PDGFRL: variants seen among roughly 807,000 people sequenced by gnomAD.
The protein encoded by PDGFRL is platelet derived growth factor receptor like, also known as platelet-derived growth factor receptor-like protein.
In PDGFRL, 46 loss-of-function variants were observed where a neutral mutation model predicts 37.2. The observed-to-expected ratio is 1.24, with a 90% confidence interval of 0.98 to 1.58. The LOEUF (loss-of-function observed/expected upper bound fraction) is 1.58. PDGFRL is among the 40% of genes most tolerant of loss of function. The probability of loss-of-function intolerance (pLI) is 0.00; values close to 1 mark genes in which losing one functional copy is unlikely to be tolerated. For missense variants in PDGFRL, 692 were observed against 467.6 expected (o/e 1.48, Z -4.43); for synonymous variants, 251 against 184.3 (o/e 1.36, Z -2.93).
rs1303986102 is a variant in PDGFRL, at chr8:17,634,141, C to T, written c.867C>T (p.Ile289=). The T allele has an allele frequency of 6.2e-7, 1 of 1,612,738 alleles. No homozygotes were observed. Among genetic ancestry groups the T allele is most frequent in the Non-Finnish European group, 8.5e-7 (1 of 1,178,700 alleles). The change falls in exon 5 of 6, where the codon ATC becomes ATT. Residue 289 remains isoleucine, a synonymous_variant. Transcript: ENST00000251630. The stretch of plus-strand genomic sequence containing the variant: ...ACAAAGTGAAAAGTGGGGACGACAT[C>T]AGTGTGCTCTGCACTGTCCTGGGGG... ...SSNKVKSGDD[I]SVLCTVLGEP... is the part of the protein sequence containing the mutation.
chr8:17,576,510 T>A (rs1167631881), upstream of PDGFRL: 1 of 155,674 alleles, frequency 6.4e-6, no homozygotes, highest in Non-Finnish European at 1.4e-5. Flanking sequence ...CTGCACCTGC[T>A]GATCTTTTGC....
Position 17,589,342 on chromosome 8 carries a change from T to C in PDGFRL, c.56-126T>C, listed in dbSNP as rs1803881706. 4 of 713,332 alleles carry C rather than the reference T, an allele frequency of 5.6e-6. No individual in the cohort carries two copies. In the East Asian group the frequency reaches 7.4e-5, roughly 13 times the overall value. 44.2% of individuals were successfully genotyped at this position (713,332 alleles called of 1,614,324 possible). A position where few individuals can be genotyped will look rare whatever the true frequency, so the allele number is the denominator to read the frequency against. On this transcript the variant is annotated intron_variant, in intron 1 of 5. Coordinates refer to ENST00000251630, the MANE Select transcript of PDGFRL (RefSeq NM_001372073.1). ...TGGAGGTTGCAGTGAGCTGAGATTA[T>C]GCCACTGCCCTCCAACCTGGGCAAT... is the stretch of plus-strand genomic sequence containing the variant.
intron 2 of PDGFRL, among the ~76,000 whole-genome samples, chr8:17,611,079 C>A (rs1804401669): frequency 6.6e-6 from 1 of 152,212 alleles, no homozygotes; most frequent in Non-Finnish European, 1.5e-5. Flanking sequence ...TTGCGGTACG[C>A]AGTGGGAGGC....
At chr8:17,601,723 A>G (rs946004956) in intron 2 of PDGFRL, among the ~76,000 whole-genome samples, 1 of 152,082 alleles carries the variant, frequency 6.6e-6, no homozygotes, top group African/African-American at 2.4e-5. Context: ...TGTGGTATTT[A>G]GTCTTCAGTT....
chr8:17,612,303 T>C (rs1205346826), intron 2 of PDGFRL, among the ~76,000 whole-genome samples: 1 of 152,208 alleles, frequency 6.6e-6, no homozygotes, highest in Non-Finnish European at 1.5e-5. Flanking sequence ...GTTTTACTTG[T>C]TTTGCTTTTA....
intron 5 of PDGFRL, among the ~76,000 whole-genome samples, chr8:17,641,896 T>TCCCCTCCCCCC (rs144394170): frequency 9.6e-6 from 1 of 103,888 alleles, no homozygotes; most frequent in Non-Finnish European, 1.8e-5. Context: ...TCAATAGAGG[T>TCCCCTCCCCCC]CCCCGCCACA....
intron 2 of PDGFRL, among the ~76,000 whole-genome samples, chr8:17,617,079 ACT>A (rs1309327136): frequency 2.0e-5 from 3 of 152,068 alleles, no homozygotes; most frequent in African/African-American, 7.2e-5. Flanking sequence ...TGGGAGCAAG[ACT>A]CTGTGTGTGT....
At chr8:17,620,637 T>C (rs1804611096) in intron 2 of PDGFRL, among the ~76,000 whole-genome samples, 1 of 152,202 alleles carries the variant, frequency 6.6e-6, no homozygotes, top group Non-Finnish European at 1.5e-5. Flanking sequence ...TTTTCACGAT[T>C]AACATTTCTA....
Position 17,628,629 on chromosome 8 carries a change from C to A in PDGFRL, c.648C>A (p.Ile216=), listed in dbSNP as rs1427943847. The A allele has an allele frequency of 1.2e-6, 2 of 1,614,188 alleles. No homozygotes were observed. Among genetic ancestry groups the A allele is most frequent in the Non-Finnish European group, 1.7e-6 (2 of 1,180,040 alleles). Residue 216 remains isoleucine, a synonymous_variant, in exon 4 of 6, where the codon ATC becomes ATA. Coordinates refer to ENST00000251630, the MANE Select transcript of PDGFRL (RefSeq NM_001372073.1). The part of the protein sequence containing the change: ...TLHREFPAKE[I]PANGTDIVYD... ...ACAGGGAATTCCCAGCCAAGGAGAT[C>A]CCAGCCAATGGAACGGACATTGTTT...
At chr8:17,576,743 G>A (rs1199375303), upstream of PDGFRL, 2 of 967,642 alleles carry the variant, frequency 2.1e-6, no homozygotes, top group African/African-American at 3.5e-5. Flanking sequence ...GCAAGAACCC[G>A]GGGCAACGGT....
At chr8:17,595,775 C>G (rs2517158) in intron 2 of PDGFRL, among the ~76,000 whole-genome samples, 1 of 152,118 alleles carries the variant, frequency 6.6e-6, no homozygotes, top group African/African-American at 2.4e-5. Flanking sequence ...GAGGAGTTGG[C>G]GTCCACCTGG....
chr8:17,626,909 T>TG (rs1188719273), intron 3 of PDGFRL, among the ~76,000 whole-genome samples: 1 of 151,944 alleles, frequency 6.6e-6, no homozygotes, highest in Non-Finnish European at 1.5e-5. Context: ...TCAGAGGAAA[T>TG]GGGGGGAGAT....
chr8:17,577,291 C>T lies in PDGFRL; in HGVS notation c.39C>T (p.His13=), dbSNP rs1461781557. 6.2e-7 allele frequency: 1 copy of T among 1,612,950 alleles called. No individual in the cohort carries two copies. Among genetic ancestry groups the T allele is most frequent in the Admixed American group, 1.7e-5 (1 of 59,956 alleles). Residue 13 remains histidine (H), a synonymous_variant, in exon 1 of 6, where the codon CAC becomes CAT. Coordinates refer to ENST00000251630, the MANE Select transcript of PDGFRL (RefSeq NM_001372073.1). Reference sequence around the variant, plus strand: ...TGCTGCTTGGTCTTCTGCTGGTGCACGAAGCGCTGGAGGATGGTGAGTGAC... The same window carrying T: ...TGCTGCTTGGTCTTCTGCTGGTGCATGAAGCGCTGGAGGATGGTGAGTGAC... ...VWLLLGLLLV[H]EALEDVTGQH...
chr8:17,607,781 A>T (rs1804314841), intron 2 of PDGFRL, among the ~76,000 whole-genome samples: 1 of 152,232 alleles, frequency 6.6e-6, no homozygotes, highest in Non-Finnish European at 1.5e-5. Context: ...AGAAGATGTA[A>T]ATAAAACAGC....
chr8:17,617,640 G>C (rs36033691), intron 2 of PDGFRL, among the ~76,000 whole-genome samples: 5,903 of 152,240 alleles, frequency 0.039, 126 homozygotes, highest in South Asian at 0.068. Context: ...TTTGTTTCCT[G>C]TTTTATATTG....
intron 1 of PDGFRL, among the ~76,000 whole-genome samples, chr8:17,581,998 C>A (rs889736239): frequency 5.9e-5 from 9 of 151,948 alleles, no homozygotes; most frequent in African/African-American, 1.9e-4. Context: ...AAGAAAACAG[C>A]AAGAGGAGGG....
At chr8:17,597,879 A>G (rs1400208166) in intron 2 of PDGFRL, among the ~76,000 whole-genome samples, 1 of 152,142 alleles carries the variant, frequency 6.6e-6, no homozygotes, top group East Asian at 1.9e-4. Context: ...CAGTAAGTTA[A>G]TGTGTTGTAA....
At chr8:17,602,142 T>A (rs1804177902) in intron 2 of PDGFRL, among the ~76,000 whole-genome samples, 1 of 152,206 alleles carries the variant, frequency 6.6e-6, no homozygotes, top group South Asian at 2.1e-4. Context: ...TTGGCTTTGG[T>A]TACTAGCAGT....
At chr8:17,582,556 T>C (rs1381161264) in intron 1 of PDGFRL, among the ~76,000 whole-genome samples, 3 of 132,120 alleles carry the variant, frequency 2.3e-5, no homozygotes, top group African/African-American at 5.8e-5. Context: ...TACTGCAGCC[T>C]GGTGACAGAG....
Sources: allele counts gnomAD v4.1 joint callset (sites outside exome capture counted in the v4.1 genomes callset), GRCh38; gene constraint gnomAD v4.1.1; transcripts MANE v1.5; gene names NCBI Gene and HGNC (gene_info 2026-07-23, HGNC 2026-07-21).